Variants in MAP2 observed in about 807,000 individuals in gnomAD.
The protein encoded by MAP2 is microtubule associated protein 2.
In MAP2, 14 loss-of-function variants were observed where a neutral mutation model predicts 137.6. That is an observed-to-expected ratio of 0.10 (90% CI 0.07 to 0.16). The LOEUF (loss-of-function observed/expected upper bound fraction) is 0.16. MAP2 is among the 10% of genes least tolerant of loss of function. MAP2 has a pLI of 1.00. For missense variants in MAP2, 2,088 were observed against 2,191.5 expected (o/e 0.95, Z 0.94); for synonymous variants, 786 against 782.3 (o/e 1.00, Z -0.08).
chr2:209,648,125 G>A (rs541417466), intron 4 of MAP2, among the ~76,000 whole-genome samples: 25 of 142,610 alleles, frequency 1.8e-4, no homozygotes, highest in South Asian at 1.1e-3. Flanking sequence ...TTTTTTTAAC[G>A]CAGTCTCACT....
chr2:209,719,596 A>G (rs1264923481), intron 13 of MAP2, among the ~76,000 whole-genome samples: 4 of 152,316 alleles, frequency 2.6e-5, no homozygotes, highest in Non-Finnish European at 4.4e-5. Flanking sequence ...TTAGGGGAAC[A>G]GGTTAATTTA....
rs189136029 is a variant in MAP2, at chr2:209,637,945, T to C, written c.-30+12816T>C. Among the ~76,000 whole-genome samples the C allele has an allele frequency of 3.8e-3, 586 of 152,258 alleles. 3 individuals are homozygous for C. The highest frequency in any genetic ancestry group is 0.011 in the Admixed American group (164 of 15,268). On this transcript the variant is annotated intron_variant, in intron 4 of 15. Transcript: ENST00000682079. The stretch of plus-strand genomic sequence containing the variant: ...CATATGATGGGTCTATTTTTATATC[T>C]AAGTATTTTGCCTACAGGCCCACCA...
In MAP2 at chr2:209,731,561, C is replaced by T. The variant is rs2075775588; in HGVS notation, c.*1164C>T. 1 of 152,492 alleles carries T rather than the reference C, an allele frequency of 6.6e-6. No homozygotes were observed. The highest frequency in any genetic ancestry group is 1.5e-5 in the Non-Finnish European group (1 of 68,008). The allele number at this position is 152,492 out of a possible 1,614,324, so 9.4% of individuals were successfully genotyped here. On this transcript the variant is annotated 3_prime_UTR_variant, in exon 16 of 16. Transcript: ENST00000682079. The stretch of plus-strand genomic sequence containing the variant: ...TATGGATTTATCTCATTTTTAATCA[C>T]AGGATAGTTTGGGGTTTATTCCTAT...
chr2:209,714,991 C>G (rs943858938), intron 13 of MAP2, among the ~76,000 whole-genome samples: 1 of 151,930 alleles, frequency 6.6e-6, no homozygotes, highest in Non-Finnish European at 1.5e-5. Flanking sequence ...GTTTTTTTTA[C>G]CACGTCAGGA....
At chr2:209,616,235 A>C (rs1349988846) in intron 3 of MAP2, among the ~76,000 whole-genome samples, 1 of 152,226 alleles carries the variant, frequency 6.6e-6, no homozygotes, top group Non-Finnish European at 1.5e-5. Flanking sequence ...GTGGGGCATC[A>C]CTGGCCCGGG....
chr2:209,632,249 C>G (rs2093142525), intron 4 of MAP2, among the ~76,000 whole-genome samples: 1 of 152,078 alleles, frequency 6.6e-6, no homozygotes, highest in Non-Finnish European at 1.5e-5. Flanking sequence ...ACTAGGTACT[C>G]ATCTACATAT....
chr2:209,546,175 G>C (rs577342504), intron 2 of MAP2, among the ~76,000 whole-genome samples: 2 of 152,038 alleles, frequency 1.3e-5, no homozygotes, highest in Non-Finnish European at 2.9e-5. Flanking sequence ...AAGAAAAAAA[G>C]AAATGCACGC....
rs2080062900 is a variant in MAP2 at position 209,593,637 on chromosome 2, ATATATATATATATAT to A, written c.-107+13538_-107+13552del. On this transcript the variant is annotated intron_variant, in intron 3 of 15. Transcript: ENST00000682079. ...GTCTCTACAAAAAAAAAAAAAAAATATATATATATATATATATATATATATATATATATATATGTA... is the reference window on the plus strand; with the variant it reads ...GTCTCTACAAAAAAAAAAAAAAAATAATATATATATATATATATATATGTA... 1.0e-3 allele frequency among the ~76,000 whole-genome samples: 33 copies of A among 31,840 alleles called. 2 individuals are homozygous for A. Among genetic ancestry groups the A allele is most frequent in the African/African-American group, 1.2e-3 (8 of 6,816 alleles). 20.9% of individuals were successfully genotyped at this position (31,840 alleles called of 152,430 possible).
intron 1 of MAP2, among the ~76,000 whole-genome samples, chr2:209,454,149 CAAAAAAA>C (rs869200843): frequency 1.5e-3 from 90 of 61,138 alleles, no homozygotes; most frequent in African/African-American, 3.7e-3. Flanking sequence ...GACTCTGTCT[CAAAAAAA>C]AAAAAAAAAA....
At chr2:209,575,524 A>AC (rs1451917076) in intron 2 of MAP2, among the ~76,000 whole-genome samples, 3 of 149,566 alleles carry the variant, frequency 2.0e-5, no homozygotes, top group African/African-American at 7.3e-5. Context: ...ATCTCAAAAA[A>AC]AAAAAAAAAA....
At chr2:209,563,677 A>G (rs78947829) in intron 2 of MAP2, among the ~76,000 whole-genome samples, 1,782 of 152,342 alleles carry the variant, frequency 0.012, 34 homozygotes, top group African/African-American at 0.04. Context: ...AGATGATATT[A>G]ACATAGCCCC....
chr2:209,553,228 G>T (rs2069642762), intron 2 of MAP2, among the ~76,000 whole-genome samples: 3 of 152,028 alleles, frequency 2.0e-5, no homozygotes, highest in African/African-American at 7.2e-5. Flanking sequence ...GGCCAGGATG[G>T]TCTCGATCTC....
chr2:209,451,678 T>G (rs749379109), intron 1 of MAP2, among the ~76,000 whole-genome samples: 67 of 152,336 alleles, frequency 4.4e-4, no homozygotes, highest in Middle Eastern at 3.4e-3. Context: ...ATACACATAC[T>G]AAACAGGGCT....
chr2:209,702,773 C>T (rs902598234), intron 11 of MAP2, among the ~76,000 whole-genome samples: 1 of 151,978 alleles, frequency 6.6e-6, no homozygotes, highest in Non-Finnish European at 1.5e-5. Flanking sequence ...GACCCAATTA[C>T]ACTTCCCACT....
intron 7 of MAP2, among the ~76,000 whole-genome samples, chr2:209,683,500 G>A (rs1303488741): frequency 1.3e-5 from 2 of 152,080 alleles, no homozygotes; most frequent in African/African-American, 4.8e-5. Context: ...ACAAACTACT[G>A]TTTCTCTTTT....
intron 2 of MAP2, among the ~76,000 whole-genome samples, chr2:209,511,239 G>C (rs568785527): frequency 6.6e-6 from 1 of 152,050 alleles, no homozygotes; most frequent in African/African-American, 2.4e-5. Context: ...ATAACTTGTT[G>C]CTATTTTGTA....
At chr2:209,680,622 G>T (rs114544372) in intron 6 of MAP2, 128 bp from the exon 7 acceptor site, 1 of 753,912 alleles carries the variant, frequency 1.3e-6, no homozygotes, top group Middle Eastern at 3.0e-4. Context: ...AACCAAATGC[G>T]GCTTACTATT....
chr2:209,446,870 A>G (rs896980517), intron 1 of MAP2, among the ~76,000 whole-genome samples: 1 of 151,890 alleles, frequency 6.6e-6, no homozygotes, highest in African/African-American at 2.4e-5. Flanking sequence ...TCCAAGTTCA[A>G]AATTAAAGAG....
At chr2:209,677,141 T>C (rs2052193729) in intron 5 of MAP2, among the ~76,000 whole-genome samples, 1 of 151,846 alleles carries the variant, frequency 6.6e-6, no homozygotes, top group Non-Finnish European at 1.5e-5. Flanking sequence ...TACTGCCCTC[T>C]TCACTGAGTA....
Sources: allele counts gnomAD v4.1 joint callset (sites outside exome capture counted in the v4.1 genomes callset), GRCh38; gene constraint gnomAD v4.1.1; transcripts MANE v1.5; gene names NCBI Gene and HGNC (gene_info 2026-07-23, HGNC 2026-07-21).